RGS7: variants seen among roughly 807,000 people sequenced by gnomAD.
RGS7 encodes the protein regulator of G-protein signaling 7.
In RGS7, 27 loss-of-function variants were observed where a neutral mutation model predicts 81.1. The observed-to-expected ratio is 0.33, with a 90% confidence interval of 0.25 to 0.46. The LOEUF is 0.46. Ranked by LOEUF, RGS7 falls within the 20% of genes least tolerant of loss-of-function variation. The pLI is 1.00. For missense variants in RGS7, 396 were observed against 607.4 expected, an observed-to-expected ratio of 0.65 and a Z score of 3.66; for synonymous variants, 208 against 207.7, an observed-to-expected ratio of 1.00 and a Z score of -0.01.
In RGS7 at chr1:240,868,523, G is replaced by A. The variant is rs1663887703; in HGVS notation, c.609+64C>T. The A allele has an allele frequency of 7.1e-7, 1 of 1,417,184 alleles. No individual in the cohort carries two copies. The highest frequency in any genetic ancestry group is 1.0e-6 in the Non-Finnish European group (1 of 1,002,062). The allele number at this position is 1,417,184 out of a possible 1,614,324, so 87.8% of individuals were successfully genotyped here. A position where few individuals can be genotyped will look rare whatever the true frequency, so the allele number is the denominator to read the frequency against. On this transcript the variant is annotated intron_variant, in intron 9 of 18. Coordinates refer to ENST00000440928, the MANE Select transcript of RGS7 (RefSeq NM_001364886.1). The surrounding 1 kb of genome is among the most constrained non-coding windows in gnomAD (Gnocchi z 5.1). Reference sequence around the variant, plus strand: ...TACAGTCTTTCACTTACTTTGGCAGGGCACCCCTCACTTCCCACAGACGGA... The same window carrying A: ...TACAGTCTTTCACTTACTTTGGCAGAGCACCCCTCACTTCCCACAGACGGA...
chr1:241,229,761 G>A (rs959539165), intron 2 of RGS7, among the ~76,000 whole-genome samples: 1 of 152,200 alleles, frequency 6.6e-6, no homozygotes, highest in Non-Finnish European at 1.5e-5. Context: ...GGAGAGTGAA[G>A]GAGAAACTTC....
In RGS7 at chr1:241,005,836, C is replaced by T. The variant is rs181288726; in HGVS notation, c.176-22707G>A. On this transcript the variant is annotated intron_variant, in intron 3 of 18. Transcript: ENST00000440928. ...AGGCGTGAGCCACCGCGCCCGGCCA[C>T]GTCTGGCATCTTTTGCTCAACATAC... Among the ~76,000 whole-genome samples the T allele has an allele frequency of 3.0e-3, 464 of 152,218 alleles. 2 individuals are homozygous for T. The highest frequency in any genetic ancestry group is 0.011 in the African/African-American group (447 of 41,528).
chr1:241,096,471 G>C (rs762263086), intron 3 of RGS7, among the ~76,000 whole-genome samples: 2 of 151,968 alleles, frequency 1.3e-5, no homozygotes, highest in Non-Finnish European at 2.9e-5. Context: ...CTACGAGGCA[G>C]AGCACGCCTG....
chr1:241,181,304 C>T (rs967571218), intron 2 of RGS7, among the ~76,000 whole-genome samples: 4 of 152,248 alleles, frequency 2.6e-5, no homozygotes, highest in South Asian at 4.1e-4. Flanking sequence ...TGTACATATA[C>T]GGATACGGGG....
At position 241,077,069 on chromosome 1, in the gene RGS7, T is replaced by A. The variant is rs561206247; in HGVS notation, c.175+21597A>T. On this transcript the variant is annotated intron_variant, in intron 3 of 18. Transcript: ENST00000440928. ...CCCTCTTATACCAACTATTCTTTTT[T>A]ATCACTTGAGTGCTATGTACAGGGT... 2.0e-5 allele frequency among the ~76,000 whole-genome samples: 3 copies of A among 152,330 alleles called. No individual in the cohort carries two copies. The South Asian group carries it at 6.2e-4, about 32-fold the overall frequency.
chr1:240,840,017 A>C (rs1402285203), intron 9 of RGS7, among the ~76,000 whole-genome samples: 3 of 151,754 alleles, frequency 2.0e-5, no homozygotes, highest in Non-Finnish European at 4.4e-5. Context: ...GCTTCCCTCC[A>C]CCCTCACTGT....
At chr1:240,962,743 A>G (rs1023377554) in intron 4 of RGS7, among the ~76,000 whole-genome samples, 1 of 152,192 alleles carries the variant, frequency 6.6e-6, no homozygotes, top group Non-Finnish European at 1.5e-5. Context: ...AGACAGGAGT[A>G]TGAAGCAAGA....
chr1:240,862,463 G>A (rs898908626), intron 9 of RGS7, among the ~76,000 whole-genome samples: 1 of 152,072 alleles, frequency 6.6e-6, no homozygotes, highest in African/African-American at 2.4e-5. Flanking sequence ...ATAAATGCTC[G>A]TGTCAAATCG....
At chr1:241,090,257 T>C (rs2063792712) in intron 3 of RGS7, among the ~76,000 whole-genome samples, 1 of 152,022 alleles carries the variant, frequency 6.6e-6, no homozygotes, top group Non-Finnish European at 1.5e-5. Context: ...GCATACATGG[T>C]CCAAGCTAAG....
chr1:241,170,823 G>A (rs1416735585), intron 2 of RGS7, among the ~76,000 whole-genome samples: 5 of 152,140 alleles, frequency 3.3e-5, no homozygotes, highest in Non-Finnish European at 5.9e-5. Flanking sequence ...TAAACCAATA[G>A]TATTCTTAAC....
At chr1:240,835,665 G>T (rs374745435) in intron 9 of RGS7, among the ~76,000 whole-genome samples, 20 of 152,250 alleles carry the variant, frequency 1.3e-4, no homozygotes, top group Admixed American at 7.2e-4. Flanking sequence ...CTTCATAATT[G>T]CCGAAACTTC....
chr1:240,903,103 TC>T (rs935592708), intron 6 of RGS7, among the ~76,000 whole-genome samples: 2 of 152,218 alleles, frequency 1.3e-5, no homozygotes, highest in African/African-American at 4.8e-5. Context: ...TTCAGACTTT[TC>T]AAGACCATGC....
intron 10 of RGS7, among the ~76,000 whole-genome samples, chr1:240,823,849 C>T (rs1692290391): frequency 7.4e-6 from 1 of 135,978 alleles, no homozygotes; most frequent in African/African-American, 2.7e-5. Flanking sequence ...GGTTCGGTTT[C>T]TCTGGAGAAC....
At chr1:241,141,846 C>A (rs1467051804) in intron 2 of RGS7, among the ~76,000 whole-genome samples, 2 of 152,186 alleles carry the variant, frequency 1.3e-5, no homozygotes, top group East Asian at 3.9e-4. Context: ...ACTCAGAAGT[C>A]CACAGTCCAA....
intron 3 of RGS7, among the ~76,000 whole-genome samples, chr1:241,066,940 A>G (rs969972993): frequency 6.6e-6 from 1 of 152,208 alleles, no homozygotes; most frequent in African/African-American, 2.4e-5. Context: ...AGGACAAGAA[A>G]TGTTTCCCTC....
intron 3 of RGS7, among the ~76,000 whole-genome samples, chr1:241,023,285 C>T (rs662023): frequency 0.45 from 68,043 of 151,966 alleles, 15,620 homozygotes; most frequent in Middle Eastern, 0.56. Context: ...TGTTTTAGAG[C>T]GCTTACTTTA....
chr1:240,887,536 CT>C (rs942350697), intron 6 of RGS7, among the ~76,000 whole-genome samples: 2 of 152,036 alleles, frequency 1.3e-5, no homozygotes, highest in Admixed American at 1.3e-4. Flanking sequence ...ATATAGAGTT[CT>C]TTTTTAAGTG....
intron 10 of RGS7, among the ~76,000 whole-genome samples, chr1:240,818,537 C>T (rs1020327248): frequency 1.1e-4 from 17 of 152,150 alleles, no homozygotes; most frequent in Non-Finnish European, 2.9e-5. Flanking sequence ...AAACAACCTT[C>T]TGAATTCTGA....
rs201850472 is a variant in RGS7, at chr1:240,793,604, TATATATA to T, written c.*6+7030_*6+7036del. Among the ~76,000 whole-genome samples, 252 of 94,498 alleles carry T rather than the reference TATATATA, an allele frequency of 2.7e-3. 3 individuals carry two copies. Among genetic ancestry groups the T allele is most frequent in the African/African-American group, 0.013 (233 of 17,650 alleles). 62.0% of individuals were successfully genotyped at this position (94,498 alleles called of 152,430 possible). On this transcript the variant is annotated intron_variant, in intron 18 of 18. Transcript: ENST00000440928. ...TAGTAGGAATATATATATATATATA[TATATATA>T]TTTTTTTTTTTTTTTTGAGACAGAG...
Sources: gnomAD v4.1 joint callset for allele counts (sites outside exome capture counted in the v4.1 genomes callset) on GRCh38, gnomAD v4.1.1 for gene constraint, Gnocchi (gnomAD v3.1) non-coding constraint, MANE v1.5 for transcripts, NCBI Gene and HGNC (gene_info 2026-07-23, HGNC 2026-07-21) for gene names.